The following AGPS variants were observed in gnomAD, a reference collection of about 807,000 sequenced individuals.
AGPS encodes alkyldihydroxyacetonephosphate synthase, peroxisomal.
In AGPS, 26 loss-of-function variants were observed where a neutral mutation model predicts 90.7. The observed-to-expected ratio is 0.29, with a 90% CI of 0.21 to 0.40. The LOEUF (loss-of-function observed/expected upper bound fraction) is 0.40. Among genes scored for constraint, AGPS ranks in the 10% least tolerant of loss-of-function variants. The probability of loss-of-function intolerance (pLI) is 1.00; values close to 1 mark genes in which losing one functional copy is unlikely to be tolerated. For synonymous variants in AGPS, 294 were observed against 285.3 expected (o/e 1.03, Z -0.31); for missense variants, 540 against 816.1 (o/e 0.66, Z 4.12).
intron 12 of AGPS, among the ~76,000 whole-genome samples, chr2:177,493,736 T>C (rs1688335197): frequency 1.3e-5 from 2 of 152,156 alleles, no homozygotes; most frequent in African/African-American, 4.8e-5. Flanking sequence ...GTGGGATTTC[T>C]TTGAAGAATA....
intron 1 of AGPS, among the ~76,000 whole-genome samples, chr2:177,401,823 G>A (rs2105587133): frequency 6.6e-6 from 1 of 152,300 alleles, no homozygotes; most frequent in Non-Finnish European, 1.5e-5. Context: ...TGGGATTACA[G>A]GTGTGAGCCA....
intron 16 of AGPS, among the ~76,000 whole-genome samples, chr2:177,510,307 A>C (rs1225775354): frequency 6.6e-6 from 1 of 152,156 alleles, no homozygotes; most frequent in Non-Finnish European, 1.5e-5. Flanking sequence ...GAGAGAAAGC[A>C]AGCCCTCTCA....
intron 3 of AGPS, among the ~76,000 whole-genome samples, chr2:177,434,997 G>GGA (rs36151985): frequency 7.8e-6 from 1 of 128,160 alleles, no homozygotes; most frequent in African/African-American, 3.1e-5. Context: ...TAAACTGTAG[G>GGA]TATATATATA....
chr2:177,413,171 T>A (rs903599519), intron 1 of AGPS, among the ~76,000 whole-genome samples: 1 of 152,068 alleles, frequency 6.6e-6, no homozygotes, highest in African/African-American at 2.4e-5. Context: ...ACAATTACGG[T>A]TTACAACAAG....
chr2:177,457,673 A>T lies in AGPS; in HGVS notation c.871-4220A>T, dbSNP rs1687160264. The stretch of plus-strand genomic sequence containing the variant: ...CTCAATAAACCAATAAGAAGTCCTG[A>T]AATTGAGGCAGTAATTAATAGCCTA... On this transcript the variant is annotated intron_variant, in intron 8 of 19. Coordinates refer to ENST00000264167, the MANE Select transcript of AGPS (RefSeq NM_003659.4). Among the ~76,000 whole-genome samples, 4 of 152,330 alleles carry T rather than the reference A, an allele frequency of 2.6e-5. No individual in the cohort carries two copies. The South Asian group carries it at 8.3e-4, about 32-fold the overall frequency.
chr2:177,393,029 G>C lies in AGPS; in HGVS notation c.240G>C (p.Ser80=). ...APTATPAAQE[S]GTIPKKRQEV... ...CGGCCACTCCCGCCGCGCAGGAGTC[G>C]GGCACCATCCCAAAGAAGCGGTGAG... The change falls in exon 1 of 20, where the codon TCG becomes TCC. Residue 80 remains serine, a synonymous_variant. Coordinates refer to ENST00000264167, the MANE Select transcript of AGPS (RefSeq NM_003659.4). 6.5e-7 allele frequency: 1 copy of C among 1,550,328 alleles called. No homozygotes were observed. Among genetic ancestry groups the C allele is most frequent in the Non-Finnish European group, 8.7e-7 (1 of 1,146,780 alleles).
At chr2:177,493,118 G>T (rs773113448) in intron 11 of AGPS, 30 bp from the exon 12 acceptor site, 1 of 1,583,462 alleles carries the variant, frequency 6.3e-7, no homozygotes, top group East Asian at 2.2e-5. Context: ...TATTAAATTT[G>T]TATCACTTTT....
intron 5 of AGPS, among the ~76,000 whole-genome samples, chr2:177,439,227 G>A (rs535094512): frequency 3.3e-5 from 5 of 152,242 alleles, no homozygotes; most frequent in East Asian, 1.9e-4. Context: ...ACAAAAATCC[G>A]TGCTCTCAAG....
intron 10 of AGPS, among the ~76,000 whole-genome samples, chr2:177,471,339 G>T (rs745940333): frequency 6.6e-6 from 1 of 151,938 alleles, no homozygotes; most frequent in Admixed American, 6.6e-5. Context: ...TTCTCCATCC[G>T]ACTAAGCTCT....
rs1357563228 is a variant in AGPS, at chr2:177,420,180, G to A, written c.261-89G>A. The A allele has an allele frequency of 3.6e-6, 3 of 842,478 alleles. No individual in the cohort carries two copies. In the East Asian group the frequency reaches 7.4e-5, roughly 21 times the overall value. 52.2% of individuals were successfully genotyped at this position (842,478 alleles called of 1,614,324 possible). ...ATATTTGTGGGCATAAGGTATTTTAGATGATTGTGAGTTAATAATCAATGA... is the reference window on the plus strand; with the variant it reads ...ATATTTGTGGGCATAAGGTATTTTAAATGATTGTGAGTTAATAATCAATGA... On this transcript the variant is annotated intron_variant, in intron 1 of 19. Transcript: ENST00000264167.
intron 1 of AGPS, among the ~76,000 whole-genome samples, chr2:177,419,210 T>TA (rs1021481383): frequency 3.5e-4 from 52 of 149,352 alleles, no homozygotes; most frequent in African/African-American, 1.2e-3. Context: ...ATGATTGTAA[T>TA]AAAAAAACTT....
chr2:177,514,944 A>G (rs750704712), intron 17 of AGPS, among the ~76,000 whole-genome samples: 1 of 151,752 alleles, frequency 6.6e-6, no homozygotes, highest in Non-Finnish European at 1.5e-5. Context: ...GTACTAAGTC[A>G]TCTGTATATT....
At chr2:177,437,645 A>G (rs943027972) in intron 5 of AGPS, among the ~76,000 whole-genome samples, 2 of 152,184 alleles carry the variant, frequency 1.3e-5, no homozygotes, top group African/African-American at 4.8e-5. Flanking sequence ...TTAGCAGGTA[A>G]TTTAAAGCAA....
intron 3 of AGPS, among the ~76,000 whole-genome samples, chr2:177,434,789 G>T (rs1399686010): frequency 6.6e-6 from 1 of 151,720 alleles, no homozygotes; most frequent in Non-Finnish European, 1.5e-5. Flanking sequence ...ATCATGTTTA[G>T]ATTATTTAAT....
At position 177,467,556 on chromosome 2, in the gene AGPS, A is replaced by T. The variant is rs573853050; in HGVS notation, c.997-860A>T. On this transcript the variant is annotated intron_variant, in intron 9 of 19. Coordinates refer to ENST00000264167, the MANE Select transcript of AGPS (RefSeq NM_003659.4). ...TGTACCAATTGACATTCTCACTAAC[A>T]CCATGAGAATCTTTGTAATTTACTG... Among the ~76,000 whole-genome samples the T allele has an allele frequency of 6.0e-4, 91 of 152,210 alleles. No homozygotes were observed. The Middle Eastern group carries it at 0.01, about 17-fold the overall frequency.
chr2:177,430,307 A>G (rs1686204103), intron 2 of AGPS, among the ~76,000 whole-genome samples: 1 of 152,228 alleles, frequency 6.6e-6, no homozygotes, highest in Admixed American at 6.5e-5. Flanking sequence ...TGTGGCCTGC[A>G]GAACAATGTT....
At chr2:177,431,989 G>A (rs1686257592) in intron 2 of AGPS, among the ~76,000 whole-genome samples, 1 of 152,314 alleles carries the variant, frequency 6.6e-6, no homozygotes, top group East Asian at 1.9e-4. Context: ...TTCACAATTT[G>A]TGTTCCTCTG....
chr2:177,443,018 A>AT (rs1011480107), intron 7 of AGPS, among the ~76,000 whole-genome samples: 1 of 151,900 alleles, frequency 6.6e-6, no homozygotes, highest in Non-Finnish European at 1.5e-5. Flanking sequence ...TAGTTTACCC[A>AT]TTTTTTAGAT....
chr2:177,415,863 A>G (rs1398416080), intron 1 of AGPS, among the ~76,000 whole-genome samples: 1 of 152,012 alleles, frequency 6.6e-6, no homozygotes, highest in Admixed American at 6.6e-5. Context: ...ATATTATCAG[A>G]TGAAGGTAGC....
Sources: allele counts gnomAD v4.1 joint callset (sites outside exome capture counted in the v4.1 genomes callset), GRCh38; gene constraint gnomAD v4.1.1; transcripts MANE v1.5; gene names NCBI Gene and HGNC (gene_info 2026-07-23, HGNC 2026-07-21).